Variants in ZFAND3 observed in about 807,000 individuals in gnomAD.
ZFAND3 encodes zinc finger AN1-type containing 3.
A neutral mutation model predicts 29.6 loss-of-function variants in ZFAND3; 10 were observed. The observed-to-expected ratio is 0.34, with a 90% CI of 0.21 to 0.57. ZFAND3 has a LOEUF of 0.57. ZFAND3 is among the 20% of genes least tolerant of loss of function. The pLI is 0.86. For missense variants in ZFAND3, 230 were observed against 304.5 expected, an observed-to-expected ratio of 0.76 and a Z score of 1.82; for synonymous variants, 128 against 112.6, an observed-to-expected ratio of 1.14 and a Z score of -0.87.
At chr6:38,008,277 T>C (rs967976161) in intron 2 of ZFAND3, among the ~76,000 whole-genome samples, 1 of 152,220 alleles carries the variant, frequency 6.6e-6, no homozygotes, top group Non-Finnish European at 1.5e-5. Context: ...ATAATATAGC[T>C]TATAATTAGC....
At chr6:37,956,863 C>T (rs184024903) in intron 2 of ZFAND3, among the ~76,000 whole-genome samples, 1 of 152,174 alleles carries the variant, frequency 6.6e-6, no homozygotes, top group African/African-American at 2.4e-5. Context: ...AGAGGGAAAG[C>T]GTGGGAAGAA....
In ZFAND3 at chr6:37,934,188, C is replaced by CT. The variant is rs772877217; in HGVS notation, c.112+4201dup. On this transcript the variant is annotated intron_variant, in intron 2 of 5. Transcript: ENST00000287218. ...CAGGTGTAAGCCACTGCGCCCGGCCCTTTTTTTTTTTTGAGACGGAATCTG... is the reference window on the plus strand; with the variant it reads ...CAGGTGTAAGCCACTGCGCCCGGCCCTTTTTTTTTTTTTGAGACGGAATCTG... Among the ~76,000 whole-genome samples the CT allele has an allele frequency of 8.2e-3, 1,085 of 133,066 alleles. 11 individuals are homozygous for CT. The highest frequency in any genetic ancestry group is 0.023 in the African/African-American group (818 of 36,066). The allele number at this position is 133,066 out of a possible 152,430, so 87.3% of individuals were successfully genotyped here. A position where few individuals can be genotyped will look rare whatever the true frequency, so the allele number is the denominator to read the frequency against.
chr6:37,891,823 G>T (rs1212164626), intron 1 of ZFAND3, among the ~76,000 whole-genome samples: 1 of 152,018 alleles, frequency 6.6e-6, no homozygotes, highest in Non-Finnish European at 1.5e-5. Flanking sequence ...TGGCCTCCCA[G>T]ATTCAAGCGA....
chr6:37,991,292 T>TTTTTA (rs1364448454), intron 2 of ZFAND3, among the ~76,000 whole-genome samples: 1 of 151,910 alleles, frequency 6.6e-6, no homozygotes. Context: ...TTTGTGATTA[T>TTTTTA]TTTTATTTTA....
chr6:38,144,151 T>C (rs928512686), intron 5 of ZFAND3, among the ~76,000 whole-genome samples: 33 of 138,470 alleles, frequency 2.4e-4, no homozygotes, highest in Admixed American at 4.4e-4. Flanking sequence ...TAAACAATTA[T>C]TACCTTGCTA....
intron 1 of ZFAND3, among the ~76,000 whole-genome samples, chr6:37,897,884 T>A (rs1765248049): frequency 1.3e-5 from 2 of 152,172 alleles, no homozygotes; most frequent in African/African-American, 4.8e-5. Context: ...ATAAATAAAT[T>A]GGGAGTCAGT....
At chr6:37,838,824 T>C (rs1764016823) in intron 1 of ZFAND3, among the ~76,000 whole-genome samples, 1 of 152,230 alleles carries the variant, frequency 6.6e-6, no homozygotes, top group African/African-American at 2.4e-5. Context: ...ACTTCTCTTA[T>C]TTGAATACCT....
At chr6:38,111,225 ACCAG>A (rs1765309672) in intron 4 of ZFAND3, among the ~76,000 whole-genome samples, 1 of 152,164 alleles carries the variant, frequency 6.6e-6, no homozygotes, top group Admixed American at 6.5e-5. Context: ...TTACTGTACA[ACCAG>A]CCCACCATAT....
chr6:38,025,470 G>A (rs1409141022), intron 2 of ZFAND3, among the ~76,000 whole-genome samples: 1 of 152,110 alleles, frequency 6.6e-6, no homozygotes, highest in Non-Finnish European at 1.5e-5. Context: ...ATTAACATCA[G>A]AGTCATTACT....
intron 2 of ZFAND3, among the ~76,000 whole-genome samples, chr6:38,055,446 A>T (rs1214106305): frequency 5.3e-5 from 8 of 152,146 alleles, no homozygotes; most frequent in Non-Finnish European, 1.2e-4. Context: ...GAGTCAAATA[A>T]AGCTGAGTCT....
At chr6:37,995,855 T>G (rs1762840514) in intron 2 of ZFAND3, among the ~76,000 whole-genome samples, 1 of 152,074 alleles carries the variant, frequency 6.6e-6, no homozygotes, top group African/African-American at 2.4e-5. Context: ...GGCCGGGCAC[T>G]GTGGCTCACA....
chr6:38,122,182 T>C (rs955911134), intron 5 of ZFAND3, among the ~76,000 whole-genome samples: 3 of 152,236 alleles, frequency 2.0e-5, no homozygotes, highest in African/African-American at 7.2e-5. Flanking sequence ...GAGCCTCCCA[T>C]GGATACCAAA....
At chr6:37,878,130 T>G (rs1198930816) in intron 1 of ZFAND3, among the ~76,000 whole-genome samples, 2 of 152,178 alleles carry the variant, frequency 1.3e-5, no homozygotes, top group African/African-American at 4.8e-5. Context: ...GTGGACAGCC[T>G]GTGACACTGG....
At chr6:38,074,410 A>G (rs1474291621) in intron 3 of ZFAND3, among the ~76,000 whole-genome samples, 6 of 152,218 alleles carry the variant, frequency 3.9e-5, no homozygotes, top group Non-Finnish European at 8.8e-5. Context: ...ATAAATATCA[A>G]TGATGTAAGA....
intron 2 of ZFAND3, among the ~76,000 whole-genome samples, chr6:37,974,934 C>T (rs1439230472): frequency 6.6e-6 from 1 of 152,168 alleles, no homozygotes; most frequent in Non-Finnish European, 1.5e-5. Context: ...TAGATGTGTG[C>T]CACTATGTCT....
intron 1 of ZFAND3, among the ~76,000 whole-genome samples, chr6:37,897,464 T>G (rs1377917167): frequency 6.6e-6 from 1 of 152,262 alleles, no homozygotes; most frequent in East Asian, 1.9e-4. Context: ...GGTGTAATGC[T>G]GCTGTGAATG....
intron 1 of ZFAND3, among the ~76,000 whole-genome samples, chr6:37,830,279 CAG>C (rs1354628375): frequency 6.6e-6 from 1 of 152,126 alleles, no homozygotes; most frequent in African/African-American, 2.4e-5. Flanking sequence ...TGGGGACACA[CAG>C]AGGAAAGTAG....
At chr6:38,021,428 T>G (rs1763346767) in intron 2 of ZFAND3, among the ~76,000 whole-genome samples, 1 of 152,188 alleles carries the variant, frequency 6.6e-6, no homozygotes, top group Non-Finnish European at 1.5e-5. Context: ...TAGCTTTTTT[T>G]TCCCTTGATA....
chr6:37,935,624 CTTTG>C (rs894993931), intron 2 of ZFAND3, among the ~76,000 whole-genome samples: 5 of 151,914 alleles, frequency 3.3e-5, no homozygotes, highest in African/African-American at 1.2e-4. Context: ...TTTGTGAAAC[CTTTG>C]TTTGACTTGC....
Sources: allele counts gnomAD v4.1 joint callset (sites outside exome capture counted in the v4.1 genomes callset), GRCh38; gene constraint gnomAD v4.1.1; transcripts MANE v1.5; gene names NCBI Gene and HGNC (gene_info 2026-07-23, HGNC 2026-07-21).